PLCZ1: variants seen among roughly 807,000 people sequenced by gnomAD.
The protein encoded by PLCZ1 is 1-phosphatidylinositol 4,5-bisphosphate phosphodiesterase zeta-1.
A neutral mutation model predicts 76.8 loss-of-function variants in PLCZ1; 64 were observed. The observed-to-expected ratio is 0.83, with a 90% CI of 0.68 to 1.03. PLCZ1 has a LOEUF of 1.03. Ranked by LOEUF, PLCZ1 falls within the 50% of genes least tolerant of loss-of-function variation. PLCZ1 has a pLI of 0.00. For synonymous variants in PLCZ1, 248 were observed against 230.8 expected (o/e 1.07, Z -0.68); for missense variants, 751 against 713.7 (o/e 1.05, Z -0.60).
rs191144526 is a variant in PLCZ1, at chr12:18,731,249, C to T, written c.135+4972G>A. On this transcript the variant is annotated intron_variant, in intron 3 of 14. Transcript: ENST00000266505. ...TAGATTTTCAAGGACATTTGTATAG[C>T]GAACAGCTTTCGTAAAGATACTGTC... 9.2e-5 allele frequency: 14 copies of T among 151,806 alleles called. 1 individual carries two copies. Among genetic ancestry groups the T allele is most frequent in the Middle Eastern group, 3.4e-3 (1 of 296 alleles). 9.4% of individuals were successfully genotyped at this position (151,806 alleles called of 1,614,324 possible).
chr12:18,656,963 A>G, the PLCZ1 span, among the ~76,000 whole-genome samples: 1 of 152,162 alleles, frequency 6.6e-6, no homozygotes, highest in Non-Finnish European at 1.5e-5. Context: ...CCCTAATGAC[A>G]GCAGCTCACA....
the PLCZ1 span, among the ~76,000 whole-genome samples, chr12:18,646,531 G>T: frequency 6.6e-6 from 1 of 152,102 alleles, no homozygotes; most frequent in African/African-American, 2.4e-5. Context: ...GTAATGAAAG[G>T]TAAGCCTATG....
At chr12:18,683,026 C>G, downstream of PLCZ1, 1 of 542,940 alleles carries the variant, frequency 1.8e-6, no homozygotes, top group South Asian at 2.4e-5. Flanking sequence ...AATCAGCAAA[C>G]AAGAACGCCA....
chr12:18,713,280 G>C (rs1957557683), intron 5 of PLCZ1, among the ~76,000 whole-genome samples: 1 of 152,044 alleles, frequency 6.6e-6, no homozygotes, highest in Admixed American at 6.6e-5. Flanking sequence ...GAGGATACCT[G>C]CTCCATAGTT....
the PLCZ1 span, among the ~76,000 whole-genome samples, chr12:18,670,020 T>C: frequency 6.6e-6 from 1 of 152,062 alleles, no homozygotes; most frequent in Non-Finnish European, 1.5e-5. Flanking sequence ...TCAGCCCTTA[T>C]GTCTTAATTT....
chr12:18,665,211 G>T, the PLCZ1 span, among the ~76,000 whole-genome samples: 3 of 151,812 alleles, frequency 2.0e-5, no homozygotes, highest in South Asian at 6.2e-4. Context: ...AATGGTGGTT[G>T]CCAGGGACTG....
chr12:18,707,044 G>GCCT (rs1956687911), intron 6 of PLCZ1, among the ~76,000 whole-genome samples: 1 of 152,126 alleles, frequency 6.6e-6, no homozygotes, highest in Admixed American at 6.6e-5. Context: ...TCTTCCCACT[G>GCCT]CCTCCTCCTC....
intron 3 of PLCZ1, among the ~76,000 whole-genome samples, chr12:18,728,999 TTC>T (rs918021512): frequency 5.3e-5 from 8 of 150,624 alleles, no homozygotes; most frequent in Admixed American, 6.6e-5. Context: ...GAGAAATAAT[TTC>T]TCTCTCTCTC....
intron 12 of PLCZ1, among the ~76,000 whole-genome samples, chr12:18,691,853 T>A (rs1954139489): frequency 6.6e-6 from 1 of 152,178 alleles, no homozygotes; most frequent in South Asian, 2.1e-4. Flanking sequence ...GCCAGCTACA[T>A]ACTTCACAGG....
At chr12:18,710,651 T>C (rs1474158083) in intron 6 of PLCZ1, among the ~76,000 whole-genome samples, 1 of 152,060 alleles carries the variant, frequency 6.6e-6, no homozygotes, top group Non-Finnish European at 1.5e-5. Context: ...ATCATTTAAA[T>C]GAGAGGTGAT....
the PLCZ1 span, among the ~76,000 whole-genome samples, chr12:18,672,570 C>T: frequency 3.3e-5 from 5 of 152,300 alleles, no homozygotes; most frequent in Admixed American, 1.3e-4. Context: ...TCCCACTACT[C>T]ATCACATTTG....
chr12:18,736,882 C>A, intron 2 of PLCZ1: 2 of 425,662 alleles, frequency 4.7e-6, no homozygotes, highest in Non-Finnish European at 4.7e-6. Flanking sequence ...CCCAGCTACA[C>A]ACACACTCAA....
the PLCZ1 span, among the ~76,000 whole-genome samples, chr12:18,659,616 C>A: frequency 4.7e-5 from 7 of 150,442 alleles, no homozygotes; most frequent in South Asian, 1.5e-3. Context: ...ATTTCATTTA[C>A]GTGTCAGGCC....
intron 6 of PLCZ1, among the ~76,000 whole-genome samples, chr12:18,706,013 G>A (rs1956563108): frequency 6.6e-6 from 1 of 151,908 alleles, no homozygotes; most frequent in Non-Finnish European, 1.5e-5. Context: ...GATCACCTGG[G>A]GTCAGGAGTT....
At chr12:18,719,663 G>T (rs1958325987) in intron 4 of PLCZ1, 31 bp from the exon 5 acceptor site, 15 of 1,481,734 alleles carry the variant, frequency 1.0e-5, no homozygotes, top group Non-Finnish European at 1.3e-5. Context: ...AAGTTAAAAG[G>T]ATGCAAAAAT....
At chr12:18,687,771 T>G (rs1251618742) in intron 13 of PLCZ1, among the ~76,000 whole-genome samples, 1 of 152,036 alleles carries the variant, frequency 6.6e-6, no homozygotes, top group East Asian at 1.9e-4. Context: ...GGCTAGAAGC[T>G]AAGTAGATTT....
intron 6 of PLCZ1, among the ~76,000 whole-genome samples, 168 bp downstream of exon 6, chr12:18,712,674 A>G (rs139613531): frequency 6.6e-6 from 1 of 152,182 alleles, no homozygotes; most frequent in Non-Finnish European, 1.5e-5. Flanking sequence ...ACTTTGATAA[A>G]TCTACCTTTA....
At chr12:18,692,770 A>G in intron 12 of PLCZ1, 1 of 1,345,774 alleles carries the variant, frequency 7.4e-7, no homozygotes, top group Non-Finnish European at 1.1e-6. Context: ...AAGATGGGTC[A>G]AAGTCAGAGT....
the PLCZ1 span, among the ~76,000 whole-genome samples, chr12:18,656,890 G>C: frequency 3.3e-5 from 5 of 152,196 alleles, no homozygotes; most frequent in Non-Finnish European, 7.3e-5. Context: ...TTCAGTAAGA[G>C]AGATGTGGTG....
Sources: allele counts gnomAD v4.1 joint callset (sites outside exome capture counted in the v4.1 genomes callset), GRCh38; gene constraint gnomAD v4.1.1; transcripts MANE v1.5; gene names NCBI Gene and HGNC (gene_info 2026-07-23, HGNC 2026-07-21).